COP1: variants seen among roughly 807,000 people sequenced by gnomAD.
COP1 encodes COP1 E3 ubiquitin ligase.
COP1 carries 24 observed loss-of-function variants against 101.3 expected under a neutral mutation model. The ratio of observed to expected loss-of-function variants is 0.24; its 90% CI spans 0.17 to 0.33. The LOEUF is 0.33. Ranked by LOEUF, COP1 falls within the 10% of genes least tolerant of loss-of-function variation. The pLI, the probability that COP1 is intolerant of heterozygous loss-of-function variation, is 1.00. For missense variants in COP1, 663 were observed against 906.2 expected (o/e 0.73, Z 3.45); for synonymous variants, 347 against 341.9 (o/e 1.01, Z -0.17).
At chr1:175,994,661 A>G (rs1449244628) in intron 15 of COP1, among the ~76,000 whole-genome samples, 3 of 152,240 alleles carry the variant, frequency 2.0e-5, no homozygotes, top group African/African-American at 7.2e-5. Flanking sequence ...CCATTACATA[A>G]TGGTAAAGAA....
chr1:176,133,688 T>C (rs1240864531), intron 8 of COP1, among the ~76,000 whole-genome samples: 2 of 151,722 alleles, frequency 1.3e-5, no homozygotes, highest in Non-Finnish European at 2.9e-5. Context: ...TTTCATAAAA[T>C]CCAACAATCA....
intron 11 of COP1, among the ~76,000 whole-genome samples, chr1:176,074,756 T>G (rs1677662617): frequency 1.3e-5 from 2 of 150,998 alleles, no homozygotes; most frequent in Non-Finnish European, 2.9e-5. Flanking sequence ...AAACCATCTC[T>G]TCCCCAAAAT....
At chr1:175,999,607 TTTCTGTTGGGTATATACCCAGCAGTGG>T (rs1661110356) in intron 15 of COP1, among the ~76,000 whole-genome samples, 1 of 152,050 alleles carries the variant, frequency 6.6e-6, no homozygotes, top group Admixed American at 6.6e-5. Flanking sequence ...AGAAGTTGCC[TTTCTGTTGGGTATATACCCAGCAGTGG>T]GACTGCTGGG....
intron 1 of COP1, among the ~76,000 whole-genome samples, chr1:176,190,253 C>T (rs75078139): frequency 0.068 from 10,291 of 151,970 alleles, 455 homozygotes; most frequent in Non-Finnish European, 0.087. Flanking sequence ...ATCCAAAATG[C>T]CCCAATAAGT....
At chr1:176,161,191 TATCTC>T (rs1339381494) in intron 5 of COP1, among the ~76,000 whole-genome samples, 2 of 152,224 alleles carry the variant, frequency 1.3e-5, no homozygotes, top group African/African-American at 2.4e-5. Context: ...AAATATATCT[TATCTC>T]ATTTTATTTA....
intron 15 of COP1, among the ~76,000 whole-genome samples, chr1:175,999,861 A>T (rs965836238): frequency 2.1e-4 from 32 of 152,136 alleles, no homozygotes; most frequent in Non-Finnish European, 4.4e-4. Flanking sequence ...ATGATCAATG[A>T]TGTTGAGCAC....
intron 11 of COP1, among the ~76,000 whole-genome samples, chr1:176,058,733 G>GA (rs1310419330): frequency 6.7e-5 from 9 of 134,914 alleles, no homozygotes; most frequent in Non-Finnish European, 1.2e-4. Context: ...CCCTCTGCGA[G>GA]AAACACCCAA....
chr1:175,972,258 T>A (rs1233032312), intron 18 of COP1, among the ~76,000 whole-genome samples: 1 of 152,132 alleles, frequency 6.6e-6, no homozygotes, highest in Non-Finnish European at 1.5e-5. Flanking sequence ...AAGCAGGTGA[T>A]CAACAGACCA....
At chr1:176,073,285 C>T (rs1228257755) in intron 11 of COP1, among the ~76,000 whole-genome samples, 1 of 152,136 alleles carries the variant, frequency 6.6e-6, no homozygotes, top group African/African-American at 2.4e-5. Flanking sequence ...ATGAATGCCA[C>T]CATAGATAAC....
At chr1:176,086,489 G>C (rs1183262931) in intron 9 of COP1, among the ~76,000 whole-genome samples, 3 of 152,052 alleles carry the variant, frequency 2.0e-5, no homozygotes, top group African/African-American at 7.2e-5. Flanking sequence ...GCCTCCCAAA[G>C]TGCTGGGATT....
At chr1:176,193,208 A>G (rs1699300372) in intron 1 of COP1, among the ~76,000 whole-genome samples, 1 of 152,222 alleles carries the variant, frequency 6.6e-6, no homozygotes, top group Admixed American at 6.5e-5. Context: ...GGGAATGCAA[A>G]TCAAAACCAC....
intron 9 of COP1, among the ~76,000 whole-genome samples, chr1:176,107,101 C>T (rs1242210443): frequency 2.0e-5 from 3 of 152,052 alleles, no homozygotes; most frequent in African/African-American, 7.3e-5. Context: ...TCACACTGTT[C>T]CAGAAATATA....
At chr1:176,102,064 C>T (rs796725455) in intron 9 of COP1, among the ~76,000 whole-genome samples, 16 of 152,246 alleles carry the variant, frequency 1.1e-4, no homozygotes, top group African/African-American at 3.6e-4. Context: ...GAAGCCTGCC[C>T]TTTCCCAGCT....
At chr1:176,167,462 T>C (rs1251686849) in intron 3 of COP1, among the ~76,000 whole-genome samples, 1 of 152,186 alleles carries the variant, frequency 6.6e-6, no homozygotes, top group African/African-American at 2.4e-5. Flanking sequence ...GATGACATGC[T>C]CCTGGATTTT....
At chr1:176,119,579 C>A (rs1422732050) in intron 8 of COP1, among the ~76,000 whole-genome samples, 1 of 151,800 alleles carries the variant, frequency 6.6e-6, no homozygotes, top group Non-Finnish European at 1.5e-5. Context: ...ATGCAGGCTA[C>A]AATAGAAAAA....
At chr1:175,994,022 C>A (rs1164532321) in intron 15 of COP1, among the ~76,000 whole-genome samples, 1 of 152,262 alleles carries the variant, frequency 6.6e-6, no homozygotes, top group South Asian at 2.1e-4. Context: ...CAAAGGGAAG[C>A]CCATCAGACT....
At chr1:175,982,521 T>C (rs1656117019) in intron 18 of COP1, 10 of 358,628 alleles carry the variant, frequency 2.8e-5, no homozygotes, top group Middle Eastern at 5.1e-4. Context: ...TCTTTTATGA[T>C]TTTCTTAATA....
At chr1:176,016,754 C>T (rs1665728006) in intron 15 of COP1, among the ~76,000 whole-genome samples, 2 of 151,400 alleles carry the variant, frequency 1.3e-5, no homozygotes, top group African/African-American at 2.4e-5. Context: ...AAAAAAATTA[C>T]AGGTAAGTAT....
chr1:175,971,367 A>G (rs1653200029), intron 18 of COP1, among the ~76,000 whole-genome samples: 1 of 152,214 alleles, frequency 6.6e-6, no homozygotes, highest in South Asian at 2.1e-4. Flanking sequence ...GATAAAATTT[A>G]TTCATTTAGC....
Sources: allele counts gnomAD v4.1 joint callset (sites outside exome capture counted in the v4.1 genomes callset), GRCh38; gene constraint gnomAD v4.1.1; transcripts MANE v1.5; gene names NCBI Gene and HGNC (gene_info 2026-07-23, HGNC 2026-07-21).